CFDP1: variants seen among roughly 807,000 people sequenced by gnomAD.
CFDP1 encodes heterochromatin-stabilizing protein CFDP1.
CFDP1 carries 31 observed loss-of-function variants against 40.1 expected under a neutral mutation model. The observed-to-expected ratio is 0.77, with a 90% CI of 0.58 to 1.04. The LOEUF is 1.04. Among genes scored for constraint, CFDP1 ranks in the 50% least tolerant of loss-of-function variants. CFDP1 has a pLI of 0.00. For missense variants in CFDP1, 423 were observed against 343.4 expected (o/e 1.23, Z -1.83); for synonymous variants, 167 against 120.0 (o/e 1.39, Z -2.56).
chr16:75,425,031 T>C (rs2079321335), intron 1 of CFDP1, among the ~76,000 whole-genome samples: 1 of 152,060 alleles, frequency 6.6e-6, no homozygotes, highest in Non-Finnish European at 1.5e-5. Context: ...CTGTATTGTA[T>C]TTCCATATAC....
intron 5 of CFDP1, among the ~76,000 whole-genome samples, chr16:75,340,814 T>C (rs2078521596): frequency 6.6e-6 from 1 of 152,148 alleles, no homozygotes; most frequent in South Asian, 2.1e-4. Flanking sequence ...CAGAAAGCTT[T>C]TAAGGATGAG....
chr16:75,403,487 G>A lies in CFDP1; in HGVS notation c.531-8278C>T, dbSNP rs144420484. Among the ~76,000 whole-genome samples the A allele has an allele frequency of 1.3e-3, 201 of 152,258 alleles. 2 individuals are homozygous for A. Among genetic ancestry groups the A allele is most frequent in the African/African-American group, 4.7e-3 (196 of 41,550 alleles). ...TCCTGCCTCAGCCTCCCAAAGTGCC[G>A]GGATTACAGGCATGTGCCACTGCGC... is the stretch of plus-strand genomic sequence containing the variant. On this transcript the variant is annotated intron_variant, in intron 4 of 6. Transcript: ENST00000283882.
At chr16:75,312,088 C>A (rs1337993119) in intron 5 of CFDP1, among the ~76,000 whole-genome samples, 1 of 152,050 alleles carries the variant, frequency 6.6e-6, no homozygotes, top group South Asian at 2.1e-4. Flanking sequence ...AGCTAAAATC[C>A]GTAAGGCTAA....
chr16:75,422,017 G>C (rs1460268938), intron 1 of CFDP1, among the ~76,000 whole-genome samples: 2 of 152,158 alleles, frequency 1.3e-5, no homozygotes, highest in Non-Finnish European at 2.9e-5. Context: ...GTATTGTTTA[G>C]GAAATAATGA....
chr16:75,425,765 G>A (rs1339238097), intron 1 of CFDP1, among the ~76,000 whole-genome samples: 1 of 152,056 alleles, frequency 6.6e-6, no homozygotes, highest in Non-Finnish European at 1.5e-5. Context: ...CGGGCACGGT[G>A]GCTCACTCCT....
At chr16:75,354,082 T>C (rs2078630530) in intron 5 of CFDP1, among the ~76,000 whole-genome samples, 1 of 152,192 alleles carries the variant, frequency 6.6e-6, no homozygotes. Context: ...TAGTATTTGA[T>C]AAATTACATA....
chr16:75,318,598 G>A (rs1388185863), intron 5 of CFDP1, among the ~76,000 whole-genome samples: 1 of 151,966 alleles, frequency 6.6e-6, no homozygotes, highest in Non-Finnish European at 1.5e-5. Context: ...TAGAGACTGG[G>A]TTTCACCGTG....
intron 5 of CFDP1, among the ~76,000 whole-genome samples, chr16:75,347,578 C>G (rs1002210734): frequency 2.0e-5 from 3 of 151,874 alleles, no homozygotes; most frequent in Non-Finnish European, 4.4e-5. Context: ...ACTCGGGAGG[C>G]TGAGGCAGGA....
At chr16:75,335,803 G>A (rs995054363) in intron 5 of CFDP1, among the ~76,000 whole-genome samples, 5 of 152,002 alleles carry the variant, frequency 3.3e-5, no homozygotes, top group Admixed American at 6.6e-5. Flanking sequence ...TGATCCGCCC[G>A]CCTCGGCCTC....
chr16:75,335,584 T>C (rs1380003837), intron 5 of CFDP1, among the ~76,000 whole-genome samples: 2 of 145,242 alleles, frequency 1.4e-5, no homozygotes, highest in East Asian at 2.0e-4. Context: ...TTAGACGGAG[T>C]CTTGCTCTGT....
intron 1 of CFDP1, among the ~76,000 whole-genome samples, chr16:75,419,359 A>T (rs1020420480): frequency 6.6e-6 from 1 of 152,200 alleles, no homozygotes; most frequent in African/African-American, 2.4e-5. Context: ...TTAAATATTT[A>T]TATTGTTCCA....
intron 5 of CFDP1, among the ~76,000 whole-genome samples, chr16:75,323,626 C>T (rs941860653): frequency 5.3e-5 from 8 of 151,930 alleles, no homozygotes; most frequent in Non-Finnish European, 1.2e-4. Flanking sequence ...ACTGAAAATA[C>T]AAATTTGCCG....
At chr16:75,306,268 T>C (rs566225652) in intron 5 of CFDP1, 21 of 152,334 alleles carry the variant, frequency 1.4e-4, no homozygotes, top group African/African-American at 4.3e-4. Flanking sequence ...CACTAAGGCC[T>C]GTGACACAGG....
At chr16:75,354,841 T>G (rs1421597650) in intron 5 of CFDP1, among the ~76,000 whole-genome samples, 1 of 152,200 alleles carries the variant, frequency 6.6e-6, no homozygotes, top group Non-Finnish European at 1.5e-5. Context: ...CCGTTGTTAA[T>G]CTCTTAATTT....
At chr16:75,413,792 GAATTTTCAT>G (rs1199690269) in intron 2 of CFDP1, among the ~76,000 whole-genome samples, 6 of 152,160 alleles carry the variant, frequency 3.9e-5, no homozygotes, top group African/African-American at 1.4e-4. Flanking sequence ...TAACCTGTCA[GAATTTTCAT>G]AATTTTCATG....
intron 5 of CFDP1, among the ~76,000 whole-genome samples, chr16:75,350,806 G>C (rs2078605429): frequency 6.6e-6 from 1 of 152,006 alleles, no homozygotes. Context: ...AATTGTATAT[G>C]GTCTATTACC....
At chr16:75,425,390 C>CAA (rs34282121) in intron 1 of CFDP1, among the ~76,000 whole-genome samples, 1,072 of 98,790 alleles carry the variant, frequency 0.011, 15 homozygotes, top group African/African-American at 0.031. Context: ...CCATCCCCCT[C>CAA]AAAAAAAAAA....
intron 1 of CFDP1, among the ~76,000 whole-genome samples, chr16:75,423,033 C>G (rs1348065821): frequency 6.6e-6 from 1 of 152,034 alleles, no homozygotes; most frequent in African/African-American, 2.4e-5. Flanking sequence ...GTAATCCCAG[C>G]ACTTTGGGAG....
chr16:75,430,475 T>C (rs2079398794), intron 1 of CFDP1, among the ~76,000 whole-genome samples: 1 of 147,676 alleles, frequency 6.8e-6, no homozygotes, highest in African/African-American at 2.5e-5. Context: ...CTGGCCACTT[T>C]TTTTTTTTAA....
Sources: gnomAD v4.1 joint callset for allele counts (sites outside exome capture counted in the v4.1 genomes callset) on GRCh38, gnomAD v4.1.1 for gene constraint, MANE v1.5 for transcripts, NCBI Gene and HGNC (gene_info 2026-07-23, HGNC 2026-07-21) for gene names.